The following TRIP11 variants were observed in gnomAD, a reference collection of about 807,000 sequenced individuals.
TRIP11 encodes the protein thyroid receptor-interacting protein 11.
Under a neutral mutation model 223.1 loss-of-function variants are expected in TRIP11, and 148 were observed. The observed-to-expected ratio is 0.66, with a 90% confidence interval of 0.58 to 0.76. The LOEUF (loss-of-function observed/expected upper bound fraction) is 0.76. TRIP11 is among the 30% of genes least tolerant of loss of function. The probability of loss-of-function intolerance (pLI) is 0.00; values close to 1 mark genes in which losing one functional copy is unlikely to be tolerated. For missense variants in TRIP11, 2,043 were observed against 2,222.0 expected, an observed-to-expected ratio of 0.92 and a Z score of 1.62; for synonymous variants, 762 against 772.6, an observed-to-expected ratio of 0.99 and a Z score of 0.23.
rs60778253 is a variant in TRIP11, at chr14:92,029,280, A to ATTTT, written c.202-3864_202-3861dup. Among the ~76,000 whole-genome samples, 534 of 76,778 alleles carry ATTTT rather than the reference A, an allele frequency of 7.0e-3. 18 individuals carry two copies. The highest frequency in any genetic ancestry group is 0.025 in the Middle Eastern group (3 of 118). 50.4% of individuals were successfully genotyped at this position (76,778 alleles called of 152,430 possible). ...TTCTGACTGCATTGCCCAAAGTATT[A>ATTTT]TTTTTTTTTTTTTTTTTTTTTTTTT... On this transcript the variant is annotated intron_variant, in intron 2 of 20. Transcript: ENST00000267622.
intron 3 of TRIP11, among the ~76,000 whole-genome samples, chr14:92,022,791 C>T (rs1167837945): frequency 1.3e-5 from 2 of 152,076 alleles, no homozygotes; most frequent in African/African-American, 4.8e-5. Flanking sequence ...AGACAAAAAC[C>T]AAACACATTT....
intron 11 of TRIP11, among the ~76,000 whole-genome samples, chr14:92,002,473 A>G (rs2056838406): frequency 6.6e-6 from 1 of 152,172 alleles, no homozygotes; most frequent in Non-Finnish European, 1.5e-5. Flanking sequence ...ACTAATCAAT[A>G]CATAAAAATC....
intron 7 of TRIP11, among the ~76,000 whole-genome samples, chr14:92,013,016 C>G (rs1188631784): frequency 6.6e-6 from 1 of 152,150 alleles, no homozygotes; most frequent in African/African-American, 2.4e-5. Flanking sequence ...CGCCTGTAAT[C>G]CCAGCACTTT....
intron 7 of TRIP11, among the ~76,000 whole-genome samples, chr14:92,012,716 C>A (rs963554331): frequency 3.9e-5 from 6 of 152,076 alleles, no homozygotes; most frequent in African/African-American, 1.2e-4. Flanking sequence ...CTTTAAGGAG[C>A]TATAGAAAAT....
At chr14:91,991,056 T>G (rs559599055) in intron 15 of TRIP11, among the ~76,000 whole-genome samples, 1 of 152,318 alleles carries the variant, frequency 6.6e-6, no homozygotes, top group East Asian at 1.9e-4. Flanking sequence ...CTTGAATGTA[T>G]ACCCACAAGT....
At position 92,040,016 on chromosome 14, in the gene TRIP11, G is replaced by C. The variant is rs1955683; in HGVS notation, c.-331C>G. ...TTCCGTGGGTTACTCCTGCCAACTC[G>C]ACGCCGGCCGCCATGACACTCGCTC... On this transcript the variant is annotated 5_prime_UTR_variant, in exon 1 of 21. Transcript: ENST00000267622. 10,546 of 429,636 alleles carry C rather than the reference G, an allele frequency of 0.025. 294 individuals are homozygous for C. Among genetic ancestry groups the C allele is most frequent in the East Asian group, 0.087 (2,129 of 24,612 alleles). 26.6% of individuals were successfully genotyped at this position (429,636 alleles called of 1,614,324 possible).
intron 4 of TRIP11, among the ~76,000 whole-genome samples, chr14:92,018,960 C>CAAAAAA (rs567152333): frequency 3.0e-4 from 21 of 70,866 alleles, no homozygotes; most frequent in South Asian, 5.1e-4. Flanking sequence ...GACTCCATCT[C>CAAAAAA]AAAAAAAAAA....
chr14:91,981,008 A>ATTTTTTTTT (rs1211000138), intron 16 of TRIP11, among the ~76,000 whole-genome samples: 13 of 78,302 alleles, frequency 1.7e-4, no homozygotes, highest in African/African-American at 2.6e-4. Flanking sequence ...ATATATATAT[A>ATTTTTTTTT]TATATTTTTT....
rs780178333 is a variant in TRIP11, at chr14:92,014,344, A to G, written c.1057T>C (p.Leu353=). The change falls in exon 7 of 21, where the codon TTG becomes CTG. Residue 353 remains leucine, a synonymous_variant. Coordinates refer to ENST00000267622, the MANE Select transcript of TRIP11 (RefSeq NM_004239.4). The part of the protein sequence containing the change: ...KRQIMEECEN[L]KLECSKLQPS... Reference sequence around the variant, plus strand: ...TGCAATTTACTACATTCCAATTTCAAGTTTTCACATTCTTCCATTATTTGT... The same window carrying G: ...TGCAATTTACTACATTCCAATTTCAGGTTTTCACATTCTTCCATTATTTGT... 4.4e-5 allele frequency: 71 copies of G among 1,613,910 alleles called. No individual in the cohort carries two copies. In the South Asian group the frequency reaches 7.0e-4, roughly 16 times the overall value.
rs1005875097 is a variant in TRIP11 at position 91,972,758 on chromosome 14, C to T, written c.5678G>A (p.Gly1893Glu). The T allele has an allele frequency of 3.7e-6, 6 of 1,612,280 alleles. No individual in the cohort carries two copies. The African/African-American group carries it at 5.3e-5, about 14-fold the overall frequency. The change falls in exon 20 of 21, where the codon GGA becomes GAA. Residue 1893 changes from glycine (G) to glutamate (E), a missense_variant. Physicochemically the swap from Gly to Glu is moderately conservative, Grantham distance 98 (BLOSUM62 -2). Coordinates refer to ENST00000267622, the MANE Select transcript of TRIP11 (RefSeq NM_004239.4). ...VHDMKPLDSP[G>E]RRKRDTNAPE... ...TGCATTTGTATCTCTTTTTCTTCTTCCTGGTGAATCCAGAGGTTTCATATC... is the reference window on the plus strand; with the variant it reads ...TGCATTTGTATCTCTTTTTCTTCTTTCTGGTGAATCCAGAGGTTTCATATC...
chr14:91,981,110 G>C (rs182669448), intron 16 of TRIP11, among the ~76,000 whole-genome samples: 5 of 139,350 alleles, frequency 3.6e-5, no homozygotes, highest in African/African-American at 1.4e-4. Flanking sequence ...CCACCTCCCA[G>C]GTTCAAGCAA....
chr14:92,008,787 G>A (rs965116969), intron 9 of TRIP11, among the ~76,000 whole-genome samples: 1 of 152,226 alleles, frequency 6.6e-6, no homozygotes, highest in East Asian at 1.9e-4. Flanking sequence ...GATTACTTGA[G>A]CCAAGGAGTT....
At chr14:92,025,907 G>A in intron 2 of TRIP11, among the ~76,000 whole-genome samples, 1 of 148,702 alleles carries the variant, frequency 6.7e-6, no homozygotes, top group South Asian at 2.1e-4. Flanking sequence ...CACTGACCAT[G>A]TTTATACAGA....
At chr14:92,032,730 G>C (rs2057281728) in intron 2 of TRIP11, among the ~76,000 whole-genome samples, 1 of 151,838 alleles carries the variant, frequency 6.6e-6, no homozygotes, top group East Asian at 1.9e-4. Context: ...CTACTCGGGG[G>C]GCTGAGGCAG....
intron 6 of TRIP11, among the ~76,000 whole-genome samples, chr14:92,014,958 CA>C (rs1440013543): frequency 6.7e-6 from 1 of 148,944 alleles, no homozygotes; most frequent in Non-Finnish European, 1.5e-5. Flanking sequence ...GGCTGGAGGG[CA>C]GTGGTGCCAT....
intron 11 of TRIP11, among the ~76,000 whole-genome samples, chr14:92,003,145 C>G (rs2056849638): frequency 6.6e-6 from 1 of 152,108 alleles, no homozygotes; most frequent in Non-Finnish European, 1.5e-5. Flanking sequence ...TCTCATGAGA[C>G]ACATCTGTTT....
chr14:92,025,510 C>CCCT (rs1396427918), intron 2 of TRIP11, 90 bp from the exon 3 acceptor site: 2 of 832,840 alleles, frequency 2.4e-6, no homozygotes, highest in Non-Finnish European at 3.9e-6. Flanking sequence ...GTACTGCTTT[C>CCCT]CCCCCCCAAA....
chr14:92,036,227 C>T, intron 1 of TRIP11, among the ~76,000 whole-genome samples: 1 of 152,216 alleles, frequency 6.6e-6, no homozygotes, highest in East Asian at 1.9e-4. Context: ...AAACTCCACA[C>T]CTCCCCCAAC....
In TRIP11 at chr14:92,007,708, T is replaced by C. The variant is rs2056923171; in HGVS notation, c.1459A>G (p.Ile487Val). 6.2e-7 allele frequency: 1 copy of C among 1,613,654 alleles called. No individual in the cohort carries two copies. The highest frequency in any genetic ancestry group is 8.5e-7 in the Non-Finnish European group (1 of 1,179,974). The change falls in exon 10 of 21, where the codon ATT (isoleucine) becomes GTT (valine). Residue 487 changes from isoleucine to valine, a missense_variant. Coordinates refer to ENST00000267622, the MANE Select transcript of TRIP11 (RefSeq NM_004239.4). ...GCTATCAGTGTTTCCTTTTCACTAATACTCTGATTGAGTTCTTGTTCCTTT... is the reference window on the plus strand; with the variant it reads ...GCTATCAGTGTTTCCTTTTCACTAACACTCTGATTGAGTTCTTGTTCCTTT... Reference protein sequence around the residue: ...EAKEQELNQSISEKETLIAEI... With the variant: ...EAKEQELNQSVSEKETLIAEI...
Sources: allele counts gnomAD v4.1 joint callset (sites outside exome capture counted in the v4.1 genomes callset), GRCh38; gene constraint gnomAD v4.1.1; transcripts MANE v1.5; gene names NCBI Gene and HGNC (gene_info 2026-07-23, HGNC 2026-07-21).